GLCCI1: variants seen among roughly 807,000 people sequenced by gnomAD.
The protein encoded by GLCCI1 is glucocorticoid-induced transcript 1 protein.
In GLCCI1, 24 loss-of-function variants were observed where a neutral mutation model predicts 52.2. That is an observed-to-expected ratio of 0.46 (90% CI 0.33 to 0.65). GLCCI1 has a LOEUF of 0.65. Ranked by LOEUF, GLCCI1 falls within the 30% of genes least tolerant of loss-of-function variation. The probability of loss-of-function intolerance (pLI) is 0.02; values close to 1 mark genes in which losing one functional copy is unlikely to be tolerated. For synonymous variants in GLCCI1, 310 were observed against 276.5 expected (o/e 1.12, Z -1.20); for missense variants, 704 against 701.5 (o/e 1.00, Z -0.04).
At position 7,980,592 on chromosome 7, in the gene GLCCI1, T is replaced by G. The variant is rs1350171954; in HGVS notation, c.457+10785T>G. On this transcript the variant is annotated intron_variant, in intron 1 of 7. Coordinates refer to ENST00000223145, the MANE Select transcript of GLCCI1 (RefSeq NM_138426.4). ...CTGGTCATGGAGGAGAGTCTATTTT[T>G]GGCCTAGGATTGTATGGTGATCAAG... 1.1e-5 allele frequency: 7 copies of G among 654,066 alleles called. No individual in the cohort carries two copies. In the East Asian group the frequency reaches 1.6e-4, roughly 15 times the overall value. 40.5% of individuals were successfully genotyped at this position (654,066 alleles called of 1,614,324 possible).
chr7:8,012,973 C>T (rs1218724948), intron 2 of GLCCI1, among the ~76,000 whole-genome samples: 4 of 152,212 alleles, frequency 2.6e-5, no homozygotes, highest in South Asian at 4.2e-4. Flanking sequence ...AGTCCAACTT[C>T]GTTCTTTTGG....
intron 6 of GLCCI1, among the ~76,000 whole-genome samples, chr7:8,084,175 A>G (rs2127969766): frequency 6.6e-6 from 1 of 152,316 alleles, no homozygotes; most frequent in South Asian, 2.1e-4. Flanking sequence ...AAAGGGAGAA[A>G]TTGCATATGG....
At chr7:7,999,174 A>C (rs1014566912) in intron 1 of GLCCI1, among the ~76,000 whole-genome samples, 2 of 152,044 alleles carry the variant, frequency 1.3e-5, no homozygotes, top group Non-Finnish European at 2.9e-5. Flanking sequence ...AAAGAGATAG[A>C]TAAAGATTCA....
intron 3 of GLCCI1, among the ~76,000 whole-genome samples, chr7:8,029,251 C>T (rs1024404508): frequency 2.0e-5 from 3 of 152,174 alleles, no homozygotes. Context: ...AAAGATCATT[C>T]ATCCTGTCCA....
intron 1 of GLCCI1, among the ~76,000 whole-genome samples, chr7:7,979,208 A>G (rs1276690021): frequency 1.3e-5 from 2 of 152,180 alleles, no homozygotes; most frequent in Admixed American, 1.3e-4. Context: ...TATTTCGATC[A>G]TAGAGCTTAA....
chr7:8,080,078 C>T (rs192654010), intron 6 of GLCCI1, among the ~76,000 whole-genome samples: 1 of 151,610 alleles, frequency 6.6e-6, no homozygotes, highest in Non-Finnish European at 1.5e-5. Flanking sequence ...ACTGAAAATA[C>T]AGGCTTTTTA....
chr7:8,078,057 A>ACC (rs760024634), intron 6 of GLCCI1, among the ~76,000 whole-genome samples: 1 of 151,436 alleles, frequency 6.6e-6, no homozygotes, highest in Non-Finnish European at 1.5e-5. Flanking sequence ...ACACGGTGAA[A>ACC]CCCCGTCTCT....
In GLCCI1 at chr7:8,079,644, T is replaced by G. The variant is rs112300513; in HGVS notation, c.1178-5253T>G. ...TTATGTTGTGGAAGAAGCACTGTACTTATTTTGACTACACAAAAACAAAAG... is the reference window on the plus strand; with the variant it reads ...TTATGTTGTGGAAGAAGCACTGTACGTATTTTGACTACACAAAAACAAAAG... On this transcript the variant is annotated intron_variant, in intron 6 of 7. Transcript: ENST00000223145. Among the ~76,000 whole-genome samples, 115 of 151,750 alleles carry G rather than the reference T, an allele frequency of 7.6e-4. 4 individuals carry two copies. Among genetic ancestry groups the G allele is most frequent in the African/African-American group, 2.7e-3 (109 of 41,034 alleles).
intron 1 of GLCCI1, 27 bp from the exon 2 acceptor site, chr7:8,003,881 A>T: frequency 6.3e-7 from 1 of 1,596,498 alleles, no homozygotes. Flanking sequence ...TTCACTAATG[A>T]CTAATCTTTT....
intron 3 of GLCCI1, among the ~76,000 whole-genome samples, chr7:8,050,197 ATGACCCTCCC>A (rs1366803745): frequency 6.6e-6 from 1 of 152,048 alleles, no homozygotes; most frequent in Non-Finnish European, 1.5e-5. Context: ...GTGCTTACAG[ATGACCCTCCC>A]TGTGTATATG....
In GLCCI1 at chr7:8,086,551, T is replaced by C. The variant is rs2127970673; in HGVS notation, c.*13T>C. 6.4e-7 allele frequency: 1 copy of C among 1,563,082 alleles called. No individual in the cohort carries two copies. The highest frequency in any genetic ancestry group is 1.4e-5 in the African/African-American group (1 of 72,930). ...TGTGATCATCTAAAAAAGGGGGAGC[T>C]GGCCTCCACCCTATGTTCCATGGAT... On this transcript the variant is annotated 3_prime_UTR_variant, in exon 8 of 8. Coordinates refer to ENST00000223145, the MANE Select transcript of GLCCI1 (RefSeq NM_138426.4). The surrounding 1 kb of genome is among the most constrained non-coding windows in gnomAD (Gnocchi z 4.4).
chr7:7,971,191 T>TC (rs1269883817), intron 1 of GLCCI1, among the ~76,000 whole-genome samples: 1 of 152,132 alleles, frequency 6.6e-6, no homozygotes, highest in African/African-American at 2.4e-5. Context: ...CCTGCACTCC[T>TC]CCCCCAGGTC....
At chr7:8,051,058 T>C (rs935646815) in intron 3 of GLCCI1, among the ~76,000 whole-genome samples, 2 of 152,220 alleles carry the variant, frequency 1.3e-5, no homozygotes, top group South Asian at 2.1e-4. Context: ...TAATTACTCT[T>C]AATAATTGCT....
rs71014751 is a variant in GLCCI1, at chr7:8,053,315, G to GTT, written c.697-2108_697-2107dup. Among the ~76,000 whole-genome samples the GTT allele has an allele frequency of 8.6e-3, 1,124 of 129,946 alleles. 10 individuals are homozygous for GTT. The highest frequency in any genetic ancestry group is 0.03 in the African/African-American group (1,050 of 34,750). The allele number at this position is 129,946 out of a possible 152,430, so 85.2% of individuals were successfully genotyped here. A position where few individuals can be genotyped will look rare whatever the true frequency, so the allele number is the denominator to read the frequency against. On this transcript the variant is annotated intron_variant, in intron 3 of 7. Transcript: ENST00000223145. ...TTTTGTTTTGTTTTTTTTTGTTTTC[G>GTT]TTTTTTTTTTTGTTTGTTTGTTTGT...
chr7:7,970,066 G>T (rs1296633570), intron 1 of GLCCI1, among the ~76,000 whole-genome samples: 2 of 152,154 alleles, frequency 1.3e-5, no homozygotes, highest in Non-Finnish European at 2.9e-5. Context: ...CAGTTTAAGA[G>T]CTGGCTAGCT....
chr7:8,034,629 A>G (rs1419520310), intron 3 of GLCCI1, among the ~76,000 whole-genome samples: 5 of 152,238 alleles, frequency 3.3e-5, no homozygotes, highest in South Asian at 2.1e-4. Context: ...AAGAAGAACC[A>G]TAGTTACAGG....
chr7:7,994,911 C>T (rs201243502), intron 1 of GLCCI1, among the ~76,000 whole-genome samples: 1 of 152,090 alleles, frequency 6.6e-6, no homozygotes, highest in East Asian at 1.9e-4. Flanking sequence ...CCATATTTGT[C>T]CAGGTAATGG....
chr7:8,063,293 A>G (rs148235734), intron 5 of GLCCI1, among the ~76,000 whole-genome samples: 3,141 of 151,518 alleles, frequency 0.021, 50 homozygotes, highest in Non-Finnish European at 0.035. Flanking sequence ...GCATGCTGCC[A>G]TGCCCGACTA....
intron 3 of GLCCI1, among the ~76,000 whole-genome samples, chr7:8,030,719 G>A (rs978704383): frequency 1.3e-5 from 2 of 151,996 alleles, no homozygotes; most frequent in African/African-American, 4.8e-5. Context: ...TTTAAAATGG[G>A]CAAAATATTT....
Sources: gnomAD v4.1 joint callset for allele counts (sites outside exome capture counted in the v4.1 genomes callset) on GRCh38, gnomAD v4.1.1 for gene constraint, Gnocchi (gnomAD v3.1) non-coding constraint, MANE v1.5 for transcripts, NCBI Gene and HGNC (gene_info 2026-07-23, HGNC 2026-07-21) for gene names.